UAP1: variants seen among roughly 807,000 people sequenced by gnomAD.
UAP1 encodes UDP-N-acetylhexosamine pyrophosphorylase.
Under a neutral mutation model 58.5 loss-of-function variants are expected in UAP1, and 25 were observed. The ratio of observed to expected loss-of-function variants is 0.43; its 90% CI spans 0.31 to 0.60. The LOEUF (loss-of-function observed/expected upper bound fraction) is 0.60. Ranked by LOEUF, UAP1 falls within the 20% of genes least tolerant of loss-of-function variation. The pLI is 0.11. For synonymous variants in UAP1, 208 were observed against 213.0 expected (o/e 0.98, Z 0.21); for missense variants, 575 against 630.0 (o/e 0.91, Z 0.93).
chr1:162,574,056 C>CTAAATT (rs1571062891), intron 2 of UAP1, among the ~76,000 whole-genome samples: 1 of 149,142 alleles, frequency 6.7e-6, no homozygotes, highest in African/African-American at 2.5e-5. Flanking sequence ...AGAACTGGCT[C>CTAAATT]TAAATTTATA....
intron 2 of UAP1, 61 bp downstream of exon 2, chr1:162,566,409 G>A (rs933753080): frequency 1.1e-5 from 16 of 1,510,068 alleles, no homozygotes; most frequent in African/African-American, 1.4e-5. Context: ...AATTGTTCAG[G>A]TAGCTGGATC....
intron 7 of UAP1, among the ~76,000 whole-genome samples, chr1:162,589,502 A>G (rs1041090605): frequency 2.0e-5 from 3 of 151,066 alleles, no homozygotes; most frequent in African/African-American, 7.3e-5. Context: ...TGAGAAACTG[A>G]AAAGGTTAAG....
chr1:162,592,915 A>G (rs1655407788), intron 9 of UAP1, 133 bp downstream of exon 9: 2 of 721,524 alleles, frequency 2.8e-6, no homozygotes, highest in Non-Finnish European at 4.8e-6. Context: ...GTGTGGGTGC[A>G]CTGCTTACTT....
rs184146500 is a variant in UAP1 at position 162,570,965 on chromosome 1, T to C, written c.280+4617T>C. Among the ~76,000 whole-genome samples, 7 of 152,324 alleles carry C rather than the reference T, an allele frequency of 4.6e-5. No individual in the cohort carries two copies. In the East Asian group the frequency reaches 1.4e-3, roughly 29 times the overall value. The stretch of plus-strand genomic sequence containing the variant: ...AAGCATTTGACCTCTGACAGGCCAC[T>C]GTAAACTTTTCTCTCTGTTTCTTGT... On this transcript the variant is annotated intron_variant, in intron 2 of 10. Coordinates refer to ENST00000271469, the Ensembl canonical transcript of UAP1.
intron 6 of UAP1, 109 bp downstream of exon 6, chr1:162,587,777 T>G: frequency 9.5e-7 from 1 of 1,054,230 alleles, no homozygotes; most frequent in South Asian, 1.8e-5. Context: ...GAATTCATCT[T>G]TCCTGAGGAT....
chr1:162,566,513 G>A (rs1349863533), intron 2 of UAP1, among the ~76,000 whole-genome samples, 165 bp downstream of exon 2: 1 of 151,946 alleles, frequency 6.6e-6, no homozygotes, highest in Non-Finnish European at 1.5e-5. Flanking sequence ...TCCATTTAAG[G>A]CTTCTCTCAT....
At chr1:162,583,773 G>A (rs558620059) in intron 5 of UAP1, among the ~76,000 whole-genome samples, 6 of 152,162 alleles carry the variant, frequency 3.9e-5, no homozygotes, top group East Asian at 1.9e-4. Flanking sequence ...TACCACAGGC[G>A]TGCACCACCA....
At chr1:162,587,842 T>G (rs562806544) in intron 6 of UAP1, 174 bp downstream of exon 6, 3 of 649,548 alleles carry the variant, frequency 4.6e-6, no homozygotes, top group Non-Finnish European at 7.4e-6. Flanking sequence ...TAAGATGTAT[T>G]GTAAGGTGGG....
Position 162,581,472 on chromosome 1 carries a change from T to C in UAP1, c.834+13T>C. 1 of 1,609,516 alleles carries C rather than the reference T, an allele frequency of 6.2e-7. No individual in the cohort carries two copies. The highest frequency in any genetic ancestry group is 1.1e-5 in the South Asian group (1 of 90,480). ...CTGTGGAGCAAAGGTAATGCCTTTC[T>C]CAACTATGGTGAGGCTTTTGATGGT... On this transcript the variant is annotated intron_variant, in intron 5 of 10. Coordinates refer to ENST00000271469, the Ensembl canonical transcript of UAP1.
intron 10 of UAP1, among the ~76,000 whole-genome samples, chr1:162,598,875 G>A (rs909051570): frequency 4.6e-5 from 7 of 152,064 alleles, no homozygotes; most frequent in Non-Finnish European, 1.0e-4. Flanking sequence ...ACTTAGACGG[G>A]TGTGATGGCA....
At chr1:162,592,259 G>A (rs766227902) in intron 8 of UAP1, among the ~76,000 whole-genome samples, 23 of 152,100 alleles carry the variant, frequency 1.5e-4, no homozygotes, top group Admixed American at 7.9e-4. Flanking sequence ...GCATGGTAGC[G>A]CATGCCTGTA....
chr1:162,563,966 G>A (rs915691375), intron 1 of UAP1, among the ~76,000 whole-genome samples: 2 of 152,116 alleles, frequency 1.3e-5, no homozygotes, highest in African/African-American at 4.8e-5. Flanking sequence ...CTGGTTCCTT[G>A]CTGATCTTCC....
Position 162,587,594 on chromosome 1 carries a change from C to G in UAP1, c.954C>G (p.Asp318Glu), listed in dbSNP as rs140592976. ...CAACAGCTCAAAAACGAAGCTCAGA[C>G]GGACGACTGCTGTTCAATGCGGGGA... The change falls in exon 6 of 11, where the codon GAC becomes GAG. Residue 318 changes from aspartate (D) to glutamate (E), a missense_variant. Physicochemically the swap from Asp to Glu is conservative, Grantham distance 45. Transcript: ENST00000271469. 10 of 1,613,966 alleles carry G rather than the reference C, an allele frequency of 6.2e-6. No individual in the cohort carries two copies. In the African/African-American group the frequency reaches 1.3e-4, roughly 22 times the overall value.
At chr1:162,579,807 A>G (rs1654471234) in intron 4 of UAP1, among the ~76,000 whole-genome samples, 1 of 152,164 alleles carries the variant, frequency 6.6e-6, no homozygotes, top group Admixed American at 6.5e-5. Flanking sequence ...TGTCTGCTCT[A>G]TGGAGCAATT....
At chr1:162,589,603 C>T (rs1655176519) in intron 7 of UAP1, among the ~76,000 whole-genome samples, 1 of 152,012 alleles carries the variant, frequency 6.6e-6, no homozygotes. Context: ...TTATATAGCT[C>T]TCTATAAAGA....
intron 5 of UAP1, among the ~76,000 whole-genome samples, chr1:162,586,777 G>A (rs910710783): frequency 2.6e-5 from 4 of 152,022 alleles, no homozygotes; most frequent in African/African-American, 9.7e-5. Context: ...CTCCCCATCA[G>A]CCCAGAGCCA....
chr1:162,575,944 A>G (rs1004853323), intron 2 of UAP1, among the ~76,000 whole-genome samples: 2 of 152,094 alleles, frequency 1.3e-5, no homozygotes, highest in African/African-American at 4.8e-5. Flanking sequence ...CGGCCTCCCA[A>G]AGTGCTGGAG....
chr1:162,571,662 T>C (rs1292928961), intron 2 of UAP1, among the ~76,000 whole-genome samples: 1 of 152,236 alleles, frequency 6.6e-6, no homozygotes, highest in African/African-American at 2.4e-5. Context: ...GTAGGTGCTG[T>C]GCTGCCCATA....
chr1:162,597,971 G>A lies in UAP1; in HGVS notation c.1476+113G>A. Reference sequence around the variant, plus strand: ...CATAAAGAAAGGATAAGTATTTGAGGTGATAGATATGTTAATTGGCTTTAT... The same window carrying A: ...CATAAAGAAAGGATAAGTATTTGAGATGATAGATATGTTAATTGGCTTTAT... On this transcript the variant is annotated intron_variant, in intron 10 of 10. Transcript: ENST00000271469. The A allele has an allele frequency of 7.5e-6, 7 of 927,950 alleles. No homozygotes were observed. In the Admixed American group the frequency reaches 1.7e-4, roughly 22 times the overall value. 57.5% of individuals were successfully genotyped at this position (927,950 alleles called of 1,614,324 possible).
Sources: gnomAD v4.1 joint callset for allele counts (sites outside exome capture counted in the v4.1 genomes callset) on GRCh38, gnomAD v4.1.1 for gene constraint, MANE v1.5 for transcripts, NCBI Gene and HGNC (gene_info 2026-07-23, HGNC 2026-07-21) for gene names.